The following EEIG2 variants were observed in gnomAD, a reference collection of about 807,000 sequenced individuals.
EEIG2 encodes family with sequence similarity 102 member B.
At chr1:108,608,365 A>G in the EEIG2 span, among the ~76,000 whole-genome samples, 1 of 152,142 alleles carries the variant, frequency 6.6e-6, no homozygotes, top group Non-Finnish European at 1.5e-5. Flanking sequence ...TCACTTTTCT[A>G]TCCTCCCCTA....
chr1:108,599,179 C>T, the EEIG2 span, among the ~76,000 whole-genome samples: 1 of 145,240 alleles, frequency 6.9e-6, no homozygotes, highest in African/African-American at 2.5e-5. Flanking sequence ...ACAACAACAA[C>T]AAAAAAAAAA....
chr1:108,598,292 C>G, the EEIG2 span, among the ~76,000 whole-genome samples: 69 of 146,586 alleles, frequency 4.7e-4, no homozygotes, highest in African/African-American at 1.7e-3. Context: ...CAAGATTGCA[C>G]CAGTGCACTC....
At chr1:108,636,881 T>G in the EEIG2 span, 2 of 152,188 alleles carry the variant, frequency 1.3e-5, no homozygotes, top group South Asian at 2.1e-4. Flanking sequence ...TTTAGAGAGA[T>G]ATTTATTATG....
the EEIG2 span, chr1:108,624,576 C>T: frequency 2.2e-6 from 3 of 1,385,546 alleles, no homozygotes; most frequent in South Asian, 1.2e-5. Flanking sequence ...TTACTAAGCT[C>T]ACCAATCAAT....
the EEIG2 span, among the ~76,000 whole-genome samples, chr1:108,589,875 C>A: frequency 6.8e-6 from 1 of 146,576 alleles, no homozygotes; most frequent in Non-Finnish European, 1.5e-5. Context: ...ACTGCAGCCT[C>A]AAACTCCCAG....
At chr1:108,587,636 C>T in the EEIG2 span, among the ~76,000 whole-genome samples, 3 of 152,146 alleles carry the variant, frequency 2.0e-5, no homozygotes, top group African/African-American at 7.2e-5. Context: ...TTGCCTTTTC[C>T]AGTATGTCAT....
At chr1:108,636,460 T>C in the EEIG2 span, 2 of 152,324 alleles carry the variant, frequency 1.3e-5, no homozygotes, top group African/African-American at 2.4e-5. Context: ...TGTTTTCACG[T>C]TGGCAAAAAT....
At chr1:108,598,334 CAAAAAAAAAAAAA>C in the EEIG2 span, among the ~76,000 whole-genome samples, 1 of 91,880 alleles carries the variant, frequency 1.1e-5, no homozygotes, top group African/African-American at 3.8e-5. Flanking sequence ...ACCCTGTATC[CAAAAAAAAAAAAA>C]AAAAAAAAAA....
chr1:108,562,287 G>A, the EEIG2 span, among the ~76,000 whole-genome samples: 1 of 152,162 alleles, frequency 6.6e-6, no homozygotes, highest in African/African-American at 2.4e-5. Context: ...TGAATAGGGA[G>A]CTTCCTAATG....
the EEIG2 span, among the ~76,000 whole-genome samples, chr1:108,604,739 T>C: frequency 1.1e-3 from 160 of 151,828 alleles, no homozygotes; most frequent in African/African-American, 3.7e-3. Flanking sequence ...TGAAGAGCTA[T>C]TATAAAGGGC....
the EEIG2 span, chr1:108,639,296 A>G: frequency 6.6e-6 from 1 of 151,506 alleles, no homozygotes; most frequent in African/African-American, 2.4e-5. Flanking sequence ...AAAGGTGAAC[A>G]TGTTCAATAA....
At chr1:108,629,527 A>G in the EEIG2 span, 1 of 1,147,502 alleles carries the variant, frequency 8.7e-7, no homozygotes, top group South Asian at 1.4e-5. Flanking sequence ...TACAATATCC[A>G]TATATTTGAC....
At chr1:108,623,677 A>AT in the EEIG2 span, among the ~76,000 whole-genome samples, 2 of 152,200 alleles carry the variant, frequency 1.3e-5, no homozygotes, top group African/African-American at 4.8e-5. Context: ...AAATAAAAAA[A>AT]TATTTTTTTT....
chr1:108,585,144 A>G, the EEIG2 span, among the ~76,000 whole-genome samples: 1 of 152,172 alleles, frequency 6.6e-6, no homozygotes, highest in Non-Finnish European at 1.5e-5. Flanking sequence ...GCCTTCCTGA[A>G]GCAACTAGGA....
the EEIG2 span, chr1:108,628,123 AC>A: frequency 6.5e-7 from 1 of 1,544,384 alleles, no homozygotes; most frequent in Non-Finnish European, 9.0e-7. Flanking sequence ...TTGACCATTA[AC>A]TTTTTGGCAA....
At chr1:108,602,645 T>A in the EEIG2 span, among the ~76,000 whole-genome samples, 2 of 152,096 alleles carry the variant, frequency 1.3e-5, no homozygotes, top group African/African-American at 4.8e-5. Flanking sequence ...TTTGGGAGGC[T>A]GAGGCAGGCA....
the EEIG2 span, among the ~76,000 whole-genome samples, chr1:108,612,742 G>A: frequency 2.6e-5 from 4 of 152,330 alleles, no homozygotes; most frequent in South Asian, 6.2e-4. Context: ...AGTACCATCA[G>A]GAGCTATGTG....
At chr1:108,631,663 A>C in the EEIG2 span, among the ~76,000 whole-genome samples, 1 of 152,214 alleles carries the variant, frequency 6.6e-6, no homozygotes. Context: ...CATAATAAAC[A>C]TATAGCAATT....
the EEIG2 span, among the ~76,000 whole-genome samples, chr1:108,586,329 G>A: frequency 6.8e-6 from 1 of 146,544 alleles, no homozygotes; most frequent in African/African-American, 2.5e-5. Flanking sequence ...GTGTGTGTGT[G>A]TGTGTGTGTG....
Sources: gnomAD v4.1 joint callset for allele counts (sites outside exome capture counted in the v4.1 genomes callset) on GRCh38, gnomAD v4.1.1 for gene constraint, MANE v1.5 for transcripts, NCBI Gene and HGNC (gene_info 2026-07-23, HGNC 2026-07-21) for gene names.